KATNAL2: variants seen among roughly 807,000 people sequenced by gnomAD.
KATNAL2 encodes the protein katanin p60 ATPase-containing subunit A-like 2.
A neutral mutation model predicts 76.3 loss-of-function variants in KATNAL2; 52 were observed. The ratio of observed to expected loss-of-function variants is 0.68; its 90% CI spans 0.55 to 0.86. The LOEUF is 0.86. Ranked by LOEUF, KATNAL2 falls within the 40% of genes least tolerant of loss-of-function variation. The pLI is 0.00. For missense variants in KATNAL2, 660 were observed against 668.9 expected (o/e 0.99, Z 0.15); for synonymous variants, 243 against 244.2 (o/e 1.00, Z 0.05).
At chr18:47,051,879 T>A (rs2571032) in intron 4 of KATNAL2, among the ~76,000 whole-genome samples, 69,986 of 151,942 alleles carry the variant, frequency 0.46, 16,080 homozygotes, top group Admixed American at 0.54. Context: ...AGCCTGGGCA[T>A]CATAAGGAGA....
At chr18:47,084,499 C>T in intron 15 of KATNAL2, 1 of 674,284 alleles carries the variant, frequency 1.5e-6, no homozygotes, top group Non-Finnish European at 2.7e-6. Flanking sequence ...TCAGGAGATA[C>T]CAAGTTAAAG....
At chr18:47,033,273 G>A in intron 3 of KATNAL2, 6 of 1,613,502 alleles carry the variant, frequency 3.7e-6, no homozygotes, top group East Asian at 4.5e-5. Context: ...CGGGGTCAGC[G>A]TCTCCTGCAG....
At chr18:47,044,777 A>AGCTCCCTCTCCCTCTCTCTCCCTCT (rs2061096989) in intron 3 of KATNAL2, among the ~76,000 whole-genome samples, 1 of 145,432 alleles carries the variant, frequency 6.9e-6, no homozygotes, top group African/African-American at 2.6e-5. Flanking sequence ...AAAAACAAAA[A>AGCTCCCTCTCCCTCTCTCTCCCTCT]CAAAAACAAA....
At chr18:46,953,929 T>C (rs1020205533) in intron 3 of KATNAL2, among the ~76,000 whole-genome samples, 3 of 152,122 alleles carry the variant, frequency 2.0e-5, no homozygotes, top group East Asian at 3.9e-4. Context: ...TCTGAGGCCT[T>C]CCATTTCTAT....
In KATNAL2 at chr18:47,052,947, GACA is replaced by G; in HGVS notation, c.194_196del (p.Asn65del). ...GGGGTTACGACGGTTTGAAGTTTGT[GACA>G]ACATTGATCTTGAAACTATTTTGAT... is the stretch of plus-strand genomic sequence containing the variant. On this transcript the variant is annotated inframe_deletion, in exon 5 of 18. Transcript: ENST00000683218. 6.2e-7 allele frequency: 1 copy of G among 1,612,272 alleles called. No homozygotes were observed. Among genetic ancestry groups the G allele is most frequent in the Non-Finnish European group, 8.5e-7 (1 of 1,179,186 alleles).
chr18:47,073,728 T>A (rs1344613654), intron 13 of KATNAL2, among the ~76,000 whole-genome samples: 1 of 152,192 alleles, frequency 6.6e-6, no homozygotes, highest in East Asian at 1.9e-4. Flanking sequence ...AATGCATACA[T>A]CTGTTGATGC....
intron 15 of KATNAL2, among the ~76,000 whole-genome samples, chr18:47,097,425 TC>T: frequency 6.6e-6 from 1 of 152,034 alleles, no homozygotes; most frequent in African/African-American, 2.4e-5. Flanking sequence ...TGAAAACACA[TC>T]ATCATCTATG....
chr18:47,099,068 C>A, intron 15 of KATNAL2, 175 bp from the exon 16 acceptor site: 1 of 530,038 alleles, frequency 1.9e-6, no homozygotes, highest in Non-Finnish European at 3.2e-6. Context: ...TTCTCTTTCT[C>A]ACCAATTCTT....
chr18:47,055,592 T>G (rs2061448768), intron 6 of KATNAL2, among the ~76,000 whole-genome samples: 1 of 152,252 alleles, frequency 6.6e-6, no homozygotes, highest in South Asian at 2.1e-4. Flanking sequence ...TTTGTGCTAT[T>G]CTGCAGGAAG....
Position 47,101,988 on chromosome 18 carries a change from C to T in KATNAL2, c.*983C>T, listed in dbSNP as rs942304955. The T allele has an allele frequency of 1.3e-5, 2 of 152,196 alleles. No individual in the cohort carries two copies. The highest frequency in any genetic ancestry group is 2.9e-5 in the Non-Finnish European group (2 of 68,044). The allele number at this position is 152,196 out of a possible 1,614,324, so 9.4% of individuals were successfully genotyped here. Reference sequence around the variant, plus strand: ...GAACTTACCTATGGGAAATCACCTTCTTTTCTCTTCCTTGCCTTGTCTTCA... The same window carrying T: ...GAACTTACCTATGGGAAATCACCTTTTTTTCTCTTCCTTGCCTTGTCTTCA... On this transcript the variant is annotated 3_prime_UTR_variant, in exon 18 of 18. Coordinates refer to ENST00000683218, the MANE Select transcript of KATNAL2 (RefSeq NM_001387690.1).
chr18:47,056,139 A>G (rs1056263441), intron 6 of KATNAL2, among the ~76,000 whole-genome samples: 1 of 152,378 alleles, frequency 6.6e-6, no homozygotes, highest in Non-Finnish European at 1.5e-5. Flanking sequence ...GATGGATGAC[A>G]GAAATGGGAT....
intron 1 of KATNAL2, among the ~76,000 whole-genome samples, chr18:46,924,269 G>A (rs2146501598): frequency 6.6e-6 from 1 of 152,284 alleles, no homozygotes; most frequent in South Asian, 2.1e-4. Context: ...GTAAGGGAGG[G>A]ATCCAGTTTC....
At chr18:46,944,078 A>G (rs991403278) in intron 1 of KATNAL2, among the ~76,000 whole-genome samples, 2 of 152,238 alleles carry the variant, frequency 1.3e-5, no homozygotes, top group Non-Finnish European at 2.9e-5. Context: ...TTAGAGTAGC[A>G]GGTCTAGTCC....
chr18:47,054,467 G>C (rs769188599), intron 6 of KATNAL2, 29 bp downstream of exon 6: 1 of 1,606,494 alleles, frequency 6.2e-7, no homozygotes, highest in Non-Finnish European at 8.5e-7. Flanking sequence ...CTTCTTAATC[G>C]ACTCGGCTCG....
intron 3 of KATNAL2, among the ~76,000 whole-genome samples, chr18:46,957,025 G>A (rs370976047): frequency 9.9e-5 from 12 of 121,726 alleles, no homozygotes; most frequent in African/African-American, 2.5e-4. Flanking sequence ...ACACAAGAGC[G>A]AAACTCCGTC....
In KATNAL2 at chr18:47,033,430, G is replaced by C. The variant is rs142997341; in HGVS notation, c.52-13027G>C. On this transcript the variant is annotated intron_variant, in intron 3 of 17. Transcript: ENST00000683218. ...TCTCAGCCGCTGCTCTGGGGCGTCC[G>C]GAAGCCGCAGGTACTGCTCCCTCCA... 4.0e-4 allele frequency: 651 copies of C among 1,614,046 alleles called. No individual in the cohort carries two copies. Among genetic ancestry groups the C allele is most frequent in the Non-Finnish European group, 5.3e-4 (629 of 1,180,038 alleles).
chr18:47,053,217 T>G (rs1313417823), intron 5 of KATNAL2, among the ~76,000 whole-genome samples, 171 bp downstream of exon 5: 6 of 152,202 alleles, frequency 3.9e-5, no homozygotes, highest in Non-Finnish European at 8.8e-5. Context: ...TATGATTACC[T>G]GGACACTGAT....
intron 3 of KATNAL2, chr18:47,035,450 C>T (rs748203673): frequency 5.3e-6 from 7 of 1,313,286 alleles, no homozygotes; most frequent in Non-Finnish European, 2.1e-6. Context: ...CTGGAACGGC[C>T]GTCCTTGCAG....
chr18:46,952,679 G>A (rs1599433627), intron 3 of KATNAL2, among the ~76,000 whole-genome samples: 2 of 151,992 alleles, frequency 1.3e-5, no homozygotes, highest in African/African-American at 2.4e-5. Flanking sequence ...GATTACAGGC[G>A]TGAGCCACTG....
Sources: gnomAD v4.1 joint callset for allele counts (sites outside exome capture counted in the v4.1 genomes callset) on GRCh38, gnomAD v4.1.1 for gene constraint, MANE v1.5 for transcripts, NCBI Gene and HGNC (gene_info 2026-07-23, HGNC 2026-07-21) for gene names.